The following RAB27B variants were observed in gnomAD, a reference collection of about 807,000 sequenced individuals.
RAB27B encodes the protein ras-related protein Rab-27B.
RAB27B carries 15 observed loss-of-function variants against 24.6 expected under a neutral mutation model. The ratio of observed to expected loss-of-function variants is 0.61; its 90% confidence interval spans 0.41 to 0.94. The LOEUF (loss-of-function observed/expected upper bound fraction) is 0.94, where lower values mean the gene tolerates loss of function less well. RAB27B is among the 40% of genes least tolerant of loss of function. RAB27B has a pLI of 0.00. For synonymous variants in RAB27B, 105 were observed against 92.5 expected, an observed-to-expected ratio of 1.14 and a Z score of -0.78; for missense variants, 261 against 266.8, an observed-to-expected ratio of 0.98 and a Z score of 0.15.
At chr18:54,727,804 A>G (rs1324046111) in intron 2 of RAB27B, among the ~76,000 whole-genome samples, 1 of 152,226 alleles carries the variant, frequency 6.6e-6, no homozygotes, top group Admixed American at 6.5e-5. Context: ...TCGTTTCAGC[A>G]TCAGTGAGAA....
rs190673945 is a variant in RAB27B at position 54,737,979 on chromosome 18, A to T, written c.-20+19838A>T. Among the ~76,000 whole-genome samples, 4 of 152,290 alleles carry T rather than the reference A, an allele frequency of 2.6e-5. No homozygotes were observed. In the East Asian group the frequency reaches 5.8e-4, roughly 22 times the overall value. On this transcript the variant is annotated intron_variant, in intron 2 of 4. Coordinates refer to the RAB27B transcript ENST00000586570. ...GAACAAGAAAAATGTGTGCTTAAAA[A>T]TGTAATGGTCAATGTAGAAAATATA...
At chr18:54,871,209 C>T (rs189627722) in intron 1 of RAB27B, among the ~76,000 whole-genome samples, 2 of 152,240 alleles carry the variant, frequency 1.3e-5, no homozygotes, top group East Asian at 3.9e-4. Flanking sequence ...AAAAAAAATA[C>T]ACTAAAGAAG....
chr18:54,800,293 ATTTAC>A (rs1909559874), intron 2 of RAB27B, among the ~76,000 whole-genome samples: 4 of 152,288 alleles, frequency 2.6e-5, no homozygotes, highest in South Asian at 2.1e-4. Flanking sequence ...AGAATTGTGT[ATTTAC>A]TTGTATCCAC....
chr18:54,873,788 A>G (rs1222005687), intron 1 of RAB27B, among the ~76,000 whole-genome samples: 1 of 151,828 alleles, frequency 6.6e-6, no homozygotes, highest in African/African-American at 2.4e-5. Flanking sequence ...TAGTGATATA[A>G]AAAATAAGAA....
At chr18:54,850,078 G>A (rs1911499293) in intron 1 of RAB27B, among the ~76,000 whole-genome samples, 1 of 151,262 alleles carries the variant, frequency 6.6e-6, no homozygotes, top group South Asian at 2.1e-4. Context: ...CAAATCTGAA[G>A]GGCAATTAGC....
chr18:54,885,286 GTTGTATTTT>G (rs1390770979), intron 4 of RAB27B, among the ~76,000 whole-genome samples: 3 of 152,138 alleles, frequency 2.0e-5, no homozygotes, highest in South Asian at 2.1e-4. Context: ...TGTAGCTAGA[GTTGTATTTT>G]TTAAAAACTA....
intron 1 of RAB27B, among the ~76,000 whole-genome samples, chr18:54,865,959 G>T (rs936974312): frequency 5.9e-5 from 9 of 152,102 alleles, no homozygotes; most frequent in African/African-American, 2.2e-4. Flanking sequence ...TGAAATAGCA[G>T]TTCTGTCCAT....
At chr18:54,813,243 G>T (rs755823562) in intron 2 of RAB27B, among the ~76,000 whole-genome samples, 1 of 152,186 alleles carries the variant, frequency 6.6e-6, no homozygotes, top group Non-Finnish European at 1.5e-5. Context: ...GCAGAGGTAA[G>T]AGGAACATTT....
Position 54,889,417 on chromosome 18 carries a change from C to T in RAB27B, c.*4C>T, listed in dbSNP as rs1451116293. On this transcript the variant is annotated 3_prime_UTR_variant, in exon 6 of 6. Transcript: ENST00000262094. ...AGAGAAGAAATGTATCTGCTAGACT[C>T]TACATAGAAACTGAACATCAAGAAC... is the stretch of plus-strand genomic sequence containing the variant. The T allele has an allele frequency of 1.9e-6, 3 of 1,599,986 alleles. No individual in the cohort carries two copies. The highest frequency in any genetic ancestry group is 2.6e-6 in the Non-Finnish European group (3 of 1,174,906).
intron 2 of RAB27B, among the ~76,000 whole-genome samples, chr18:54,769,626 T>C (rs1225067586): frequency 1.3e-5 from 2 of 152,184 alleles, no homozygotes; most frequent in Non-Finnish European, 2.9e-5. Flanking sequence ...GGGTTTCCAG[T>C]TGTGGTTAAG....
chr18:54,746,391 C>T (rs1910249063), intron 2 of RAB27B, among the ~76,000 whole-genome samples: 1 of 152,090 alleles, frequency 6.6e-6, no homozygotes, highest in African/African-American at 2.4e-5. Context: ...TCAGTGGTGT[C>T]AATAATCTTT....
chr18:54,759,232 C>T (rs1908104382), intron 2 of RAB27B, among the ~76,000 whole-genome samples: 1 of 152,118 alleles, frequency 6.6e-6, no homozygotes, highest in African/African-American at 2.4e-5. Flanking sequence ...ATCCTTCATA[C>T]ATGAAGTCTT....
At chr18:54,816,720 G>T (rs967523434) in intron 2 of RAB27B, among the ~76,000 whole-genome samples, 1 of 152,146 alleles carries the variant, frequency 6.6e-6, no homozygotes, top group African/African-American at 2.4e-5. Context: ...TTTTCTGATT[G>T]CCACAAATCC....
intron 2 of RAB27B, among the ~76,000 whole-genome samples, chr18:54,762,176 A>G (rs2145052503): frequency 6.6e-6 from 1 of 152,244 alleles, no homozygotes; most frequent in South Asian, 2.1e-4. Context: ...CACACTTCCG[A>G]TAATTCTGTA....
intron 1 of RAB27B, among the ~76,000 whole-genome samples, chr18:54,867,533 G>C (rs372073080): frequency 7.1e-5 from 10 of 140,706 alleles, no homozygotes; most frequent in African/African-American, 2.1e-4. Context: ...TGCAACTTCC[G>C]CCTCTTGGGT....
At chr18:54,767,586 G>A (rs563287652) in intron 2 of RAB27B, among the ~76,000 whole-genome samples, 6 of 152,180 alleles carry the variant, frequency 3.9e-5, no homozygotes, top group Non-Finnish European at 7.4e-5. Flanking sequence ...GCCCTTTTGT[G>A]TTTTAGATGA....
At chr18:54,748,680 G>A (rs1396324261) in intron 2 of RAB27B, among the ~76,000 whole-genome samples, 1 of 152,172 alleles carries the variant, frequency 6.6e-6, no homozygotes, top group Non-Finnish European at 1.5e-5. Context: ...CATAGACATT[G>A]CATTTTCACA....
intron 2 of RAB27B, among the ~76,000 whole-genome samples, chr18:54,784,465 T>A (rs1909017091): frequency 6.6e-6 from 1 of 152,142 alleles, no homozygotes; most frequent in Admixed American, 6.5e-5. Context: ...TGTTCCCCAT[T>A]TTGGAGTTCT....
intron 2 of RAB27B, among the ~76,000 whole-genome samples, chr18:54,878,764 A>C (rs1352558736): frequency 6.6e-6 from 1 of 151,860 alleles, no homozygotes. Flanking sequence ...TTTTTTTAAA[A>C]AAATTAAACT....
Sources: allele counts gnomAD v4.1 joint callset (sites outside exome capture counted in the v4.1 genomes callset), GRCh38; gene constraint gnomAD v4.1.1; transcripts MANE v1.5; gene names NCBI Gene and HGNC (gene_info 2026-07-23, HGNC 2026-07-21).